The following CST7 variants were observed in gnomAD, a reference collection of about 807,000 sequenced individuals.
CST7 encodes cystatin F, also known as cystatin-F.
Under a neutral mutation model 13.1 loss-of-function variants are expected in CST7, and 15 were observed. The observed-to-expected ratio is 1.14, with a 90% confidence interval of 0.77 to 1.76. The LOEUF (loss-of-function observed/expected upper bound fraction) is 1.76, where lower values mean the gene tolerates loss of function less well. CST7 is among the 40% of genes most tolerant of loss of function. The probability of loss-of-function intolerance (pLI) is 0.00; values close to 1 mark genes in which losing one functional copy is unlikely to be tolerated. For missense variants in CST7, 193 were observed against 178.8 expected (o/e 1.08, Z -0.45); for synonymous variants, 75 against 66.9 (o/e 1.12, Z -0.59).
Position 24,958,939 on chromosome 20 carries a change from C to T in CST7, c.255C>T (p.Gly85=), listed in dbSNP as rs769541436. 5 of 1,613,368 alleles carry T rather than the reference C, an allele frequency of 3.1e-6. No individual in the cohort carries two copies. The South Asian group carries it at 5.5e-5, about 18-fold the overall frequency. ...ITRALVQIVK[G]LKYMLEVEIG... ...TTTGCTCCCTCCAGATAGTGAAAGGCCTGAAATATATGCTGGAGGTGGAAA... is the reference window on the plus strand; with the variant it reads ...TTTGCTCCCTCCAGATAGTGAAAGGTCTGAAATATATGCTGGAGGTGGAAA... The change falls in exon 3 of 4, where the codon GGC becomes GGT. Residue 85 remains glycine (G), a synonymous_variant. Coordinates refer to ENST00000480798, the MANE Select transcript of CST7 (RefSeq NM_003650.4).
chr20:24,958,827 C>A, intron 2 of CST7, 101 bp from the exon 3 acceptor site: 1 of 840,644 alleles, frequency 1.2e-6, no homozygotes, highest in Non-Finnish European at 2.0e-6. Context: ...CCCTTCTCCT[C>A]GGTGGGCACC....
At position 24,959,831 on chromosome 20, in the gene CST7, C is replaced by T. The variant is rs6106979; in HGVS notation, c.*119C>T. The T allele has an allele frequency of 1.0e-5, 10 of 996,024 alleles. No individual in the cohort carries two copies. Among genetic ancestry groups the T allele is most frequent in the South Asian group, 2.7e-5 (2 of 74,770 alleles). The allele number at this position is 996,024 out of a possible 1,614,324, so 61.7% of individuals were successfully genotyped here. On this transcript the variant is annotated 3_prime_UTR_variant, in exon 4 of 4. Transcript: ENST00000480798. ...CCCTCTCAGGCCTCTGACGAGTGAG[C>T]GGGTGAAGTGCCACTGGGTCACCGC...
intron 2 of CST7, among the ~76,000 whole-genome samples, chr20:24,958,442 A>G (rs1172973148): frequency 6.6e-6 from 1 of 152,156 alleles, no homozygotes; most frequent in Non-Finnish European, 1.5e-5. Flanking sequence ...AACCTGAGGA[A>G]TTTTTCTTCA....
chr20:24,953,385 C>T (rs1277373003), intron 1 of CST7, among the ~76,000 whole-genome samples: 3 of 152,294 alleles, frequency 2.0e-5, no homozygotes, highest in East Asian at 1.9e-4. Context: ...GCTGTATTTT[C>T]GTGATGATCC....
chr20:24,954,043 C>T (rs1358353416), intron 1 of CST7, among the ~76,000 whole-genome samples: 1 of 152,088 alleles, frequency 6.6e-6, no homozygotes, highest in Non-Finnish European at 1.5e-5. Context: ...CCATTTTACC[C>T]TCAGGTTGGT....
In CST7 at chr20:24,957,465, G is replaced by A. The variant is rs780508179; in HGVS notation, c.243+6G>A. ...TCACAAGGGCCCTAGTTCAGGTAAC[G>A]GTCTGGGTTCTGGTCACATATCACG... is the stretch of plus-strand genomic sequence containing the variant. On this transcript the variant is annotated splice_donor_region_variant and intron_variant, in intron 2 of 3. Coordinates refer to ENST00000480798, the MANE Select transcript of CST7 (RefSeq NM_003650.4). 92 of 1,612,694 alleles carry A rather than the reference G, an allele frequency of 5.7e-5. No individual in the cohort carries two copies. The highest frequency in any genetic ancestry group is 1.7e-4 in the Admixed American group (10 of 59,866).
Position 24,959,170 on chromosome 20 carries a change from A to G in CST7, c.360+126A>G, listed in dbSNP as rs1021189204. ...CCCAAACCTCACCCCTGAGGAAGCC[A>G]GGCCTCCCAGACTCCCGCACGACTG... On this transcript the variant is annotated intron_variant, in intron 3 of 3. Coordinates refer to ENST00000480798, the MANE Select transcript of CST7 (RefSeq NM_003650.4). 1.2e-5 allele frequency: 9 copies of G among 749,440 alleles called. No homozygotes were observed. In the African/African-American group the frequency reaches 1.6e-4, roughly 13 times the overall value. The allele number at this position is 749,440 out of a possible 1,614,324, so 46.4% of individuals were successfully genotyped here.
intron 3 of CST7, 76 bp downstream of exon 3, chr20:24,959,120 C>T: frequency 2.6e-6 from 3 of 1,163,112 alleles, no homozygotes; most frequent in Admixed American, 1.7e-5. Flanking sequence ...TGAAAAACAC[C>T]GTCACCACGT....
At chr20:24,958,342 C>A (rs961757068) in intron 2 of CST7, among the ~76,000 whole-genome samples, 2 of 152,078 alleles carry the variant, frequency 1.3e-5, no homozygotes, top group African/African-American at 4.8e-5. Context: ...GTTCTGAGTC[C>A]TTGGGGTTCT....
rs143504858 is a variant in CST7 at position 24,954,437 on chromosome 20, C to T, written c.71-2850C>T. On this transcript the variant is annotated intron_variant, in intron 1 of 3. Transcript: ENST00000480798. ...TCGGAGGCTCTCAAAGAGCTGCATT[C>T]GCTCACCACCTGCTGGACTGCTTGT... Among the ~76,000 whole-genome samples the T allele has an allele frequency of 8.4e-3, 1,278 of 152,318 alleles. 19 individuals carry two copies. The highest frequency in any genetic ancestry group is 0.029 in the African/African-American group (1,217 of 41,570).
chr20:24,949,279 G>A lies in CST7; in HGVS notation c.-227G>A, dbSNP rs1292870080. The A allele has an allele frequency of 4.4e-6, 6 of 1,360,614 alleles. No individual in the cohort carries two copies. The allele number at this position is 1,360,614 out of a possible 1,614,324, so 84.3% of individuals were successfully genotyped here. ...GGGCTGGGACAGCCCACTGTTCCAT[G>A]CTGCCCAAGAAGGCTCAGCACAGGC... On this transcript the variant is annotated 5_prime_UTR_variant, in exon 1 of 4. An upstream start codon of the reference 5' UTR is lost. Coordinates refer to ENST00000480798, the MANE Select transcript of CST7 (RefSeq NM_003650.4).
At chr20:24,951,058 G>T (rs1466104755) in intron 1 of CST7, among the ~76,000 whole-genome samples, 1 of 152,174 alleles carries the variant, frequency 6.6e-6, no homozygotes, top group Non-Finnish European at 1.5e-5. Flanking sequence ...CCGATGTGCT[G>T]GGCAGCTGGC....
intron 1 of CST7, among the ~76,000 whole-genome samples, chr20:24,952,812 G>A (rs1182264873): frequency 2.6e-5 from 4 of 152,230 alleles, no homozygotes; most frequent in African/African-American, 9.6e-5. Context: ...GGTTTCACAA[G>A]CAGGGGCTTC....
Position 24,956,300 on chromosome 20 carries a change from T to G in CST7, c.71-987T>G, listed in dbSNP as rs181619068. On this transcript the variant is annotated intron_variant, in intron 1 of 3. Transcript: ENST00000480798. Reference sequence around the variant, plus strand: ...CCTCCTCTGGGGCCCTCGCTCTGAGTTGACACTGACGTCCTGGCAAGGCCT... The same window carrying G: ...CCTCCTCTGGGGCCCTCGCTCTGAGGTGACACTGACGTCCTGGCAAGGCCT... Among the ~76,000 whole-genome samples, 248 of 152,240 alleles carry G rather than the reference T, an allele frequency of 1.6e-3. 2 individuals carry two copies. The highest frequency in any genetic ancestry group is 3.0e-3 in the Admixed American group (46 of 15,296).
rs2087806759 is a variant in CST7, at chr20:24,949,528, T to C, written c.23T>C (p.Leu8Pro). MRAAGTL[L>P]AFCCLVLSTT... ...GCCATGCGAGCGGCTGGAACTCTGC[T>C]GGCCTTCTGCTGCCTGGTCTTGAGC... Residue 8 changes from leucine to proline, a missense_variant, in exon 1 of 4, where the codon CTG (leucine) becomes CCG (proline). Transcript: ENST00000480798. 6.2e-7 allele frequency: 1 copy of C among 1,614,020 alleles called. No homozygotes were observed. The highest frequency in any genetic ancestry group is 1.3e-5 in the African/African-American group (1 of 74,954).
In CST7 at chr20:24,949,551, A is replaced by C. The variant is rs2087807089; in HGVS notation, c.46A>C (p.Ser16Arg). ...GCTGGCCTTCTGCTGCCTGGTCTTGAGCACCACTGGGGGCCCTTCCCCAGG... is the reference window on the plus strand; with the variant it reads ...GCTGGCCTTCTGCTGCCTGGTCTTGCGCACCACTGGGGGCCCTTCCCCAGG... ...TLLAFCCLVLSTTGGPSPDTC... is the reference protein window; with the variant it reads ...TLLAFCCLVLRTTGGPSPDTC... Residue 16 changes from serine (S) to arginine (R), a missense_variant, in exon 1 of 4, where the codon AGC becomes CGC. Ser to Arg is a moderately radical substitution (Grantham distance 110). Transcript: ENST00000480798. 2 of 1,614,070 alleles carry C rather than the reference A, an allele frequency of 1.2e-6. No homozygotes were observed. Among genetic ancestry groups the C allele is most frequent in the Non-Finnish European group, 8.5e-7 (1 of 1,180,030 alleles).
At chr20:24,950,996 C>T (rs1284976155) in intron 1 of CST7, among the ~76,000 whole-genome samples, 2 of 152,234 alleles carry the variant, frequency 1.3e-5, no homozygotes, top group African/African-American at 4.8e-5. Context: ...GGTTTCAGAG[C>T]TCTGCTCATC....
At chr20:24,959,400 T>C (rs1007000298) in intron 3 of CST7, among the ~76,000 whole-genome samples, 4 of 152,348 alleles carry the variant, frequency 2.6e-5, no homozygotes, top group African/African-American at 9.6e-5. Flanking sequence ...ATATCATATA[T>C]AGCATATCTC....
chr20:24,956,417 T>C (rs561856058), intron 1 of CST7, among the ~76,000 whole-genome samples: 47 of 152,256 alleles, frequency 3.1e-4, no homozygotes, highest in African/African-American at 1.1e-3. Context: ...ATCCAGTCCA[T>C]AGCAGGCACA....
Sources: gnomAD v4.1 joint callset for allele counts (sites outside exome capture counted in the v4.1 genomes callset) on GRCh38, gnomAD v4.1.1 for gene constraint, MANE v1.5 for transcripts, NCBI Gene and HGNC (gene_info 2026-07-23, HGNC 2026-07-21) for gene names.